The following SLC24A2 variants were observed in gnomAD, a reference collection of about 807,000 sequenced individuals.
The protein encoded by SLC24A2 is solute carrier family 24 member 2, also known as sodium/potassium/calcium exchanger 2.
In SLC24A2, 36 loss-of-function variants were observed where a neutral mutation model predicts 62.0. The ratio of observed to expected loss-of-function variants is 0.58; its 90% CI spans 0.44 to 0.77. The LOEUF (loss-of-function observed/expected upper bound fraction) is 0.77, where lower values mean the gene tolerates loss of function less well. Ranked by LOEUF, SLC24A2 falls within the 30% of genes least tolerant of loss-of-function variation. The pLI is 0.00. For missense variants in SLC24A2, 846 were observed against 817.9 expected, an observed-to-expected ratio of 1.03 and a Z score of -0.42; for synonymous variants, 358 against 294.0, an observed-to-expected ratio of 1.22 and a Z score of -2.23.
the SLC24A2 span, among the ~76,000 whole-genome samples, chr9:19,940,684 A>G: frequency 1.3e-5 from 2 of 152,188 alleles, no homozygotes; most frequent in South Asian, 4.1e-4. Flanking sequence ...TTGCTGACAA[A>G]GGGCCATTTG....
At chr9:20,063,893 G>A in the SLC24A2 span, among the ~76,000 whole-genome samples, 142 of 152,212 alleles carry the variant, frequency 9.3e-4, no homozygotes, top group South Asian at 4.6e-3. Flanking sequence ...ATGTAAAATG[G>A]TACATCCACT....
chr9:20,098,798 T>C, the SLC24A2 span, among the ~76,000 whole-genome samples: 4 of 152,224 alleles, frequency 2.6e-5, no homozygotes, highest in Non-Finnish European at 5.9e-5. Flanking sequence ...TAAATCCAAG[T>C]CAAGCTCCTT....
rs71496830 is a variant in SLC24A2, at chr9:19,731,516, CGTGT to C, written c.930+54417_930+54420del. Reference sequence around the variant, plus strand: ...ACTTGTTTCTCTCTCTCTCTCTCTCCGTGTGTGTGTGTGTGTGTGTGTGTGTGCA... The same window carrying C: ...ACTTGTTTCTCTCTCTCTCTCTCTCCGTGTGTGTGTGTGTGTGTGTGTGCA... On this transcript the variant is annotated intron_variant, in intron 2 of 10. Coordinates refer to ENST00000341998, the MANE Select transcript of SLC24A2 (RefSeq NM_020344.4). Among the ~76,000 whole-genome samples, 148 of 113,820 alleles carry C rather than the reference CGTGT, an allele frequency of 1.3e-3. 3 individuals carry two copies. Among genetic ancestry groups the C allele is most frequent in the African/African-American group, 3.1e-3 (118 of 38,266 alleles). 74.7% of individuals were successfully genotyped at this position (113,820 alleles called of 152,430 possible).
At chr9:19,935,031 T>C in the SLC24A2 span, among the ~76,000 whole-genome samples, 1 of 150,254 alleles carries the variant, frequency 6.7e-6, no homozygotes, top group Non-Finnish European at 1.5e-5. Context: ...CACTTATTTT[T>C]ATTTTATTTA....
At chr9:20,100,375 T>C in the SLC24A2 span, among the ~76,000 whole-genome samples, 19 of 152,192 alleles carry the variant, frequency 1.2e-4, no homozygotes, top group African/African-American at 4.6e-4. Flanking sequence ...ACTCACCTTT[T>C]AGTTCTCAGC....
chr9:20,165,543 G>C, the SLC24A2 span, among the ~76,000 whole-genome samples: 1 of 151,696 alleles, frequency 6.6e-6, no homozygotes, highest in Admixed American at 6.6e-5. Context: ...AATGACTGAG[G>C]CAAACAGAGA....
intron 2 of SLC24A2, among the ~76,000 whole-genome samples, chr9:19,653,241 G>C (rs1818849928): frequency 6.6e-6 from 1 of 152,232 alleles, no homozygotes; most frequent in Admixed American, 6.5e-5. Context: ...ATGGCCAGAA[G>C]TGTGTCCACA....
chr9:19,711,850 G>A lies in SLC24A2; in HGVS notation c.930+74087C>T, dbSNP rs2118599526. On this transcript the variant is annotated intron_variant, in intron 2 of 10. Coordinates refer to ENST00000341998, the MANE Select transcript of SLC24A2 (RefSeq NM_020344.4). Reference sequence around the variant, plus strand: ...GGCAAGTGGAAAATAACACAGTGAGGAGAAATGATACAAACTAGACTCAGA... The same window carrying A: ...GGCAAGTGGAAAATAACACAGTGAGAAGAAATGATACAAACTAGACTCAGA... Among the ~76,000 whole-genome samples, 2 of 152,306 alleles carry A rather than the reference G, an allele frequency of 1.3e-5. 1 individual carries two copies.
intron 4 of SLC24A2, among the ~76,000 whole-genome samples, chr9:19,608,918 G>A (rs1304496864): frequency 6.6e-6 from 1 of 152,174 alleles, no homozygotes; most frequent in African/African-American, 2.4e-5. Context: ...AAGGAACCAC[G>A]TTTTGGTTGG....
At chr9:19,563,368 A>G (rs945038910) in intron 7 of SLC24A2, among the ~76,000 whole-genome samples, 1 of 151,060 alleles carries the variant, frequency 6.6e-6, no homozygotes, top group Non-Finnish European at 1.5e-5. Flanking sequence ...AAAATGGTGG[A>G]CCTGACTGTT....
At position 19,549,875 on chromosome 9, in the gene SLC24A2, G is replaced by A. The variant is rs369203429; in HGVS notation, c.1479+262C>T. Among the ~76,000 whole-genome samples the A allele has an allele frequency of 9.8e-5, 15 of 152,334 alleles. 1 individual carries two copies. In the East Asian group the frequency reaches 1.4e-3, roughly 14 times the overall value. On this transcript the variant is annotated intron_variant, in intron 8 of 10. Coordinates refer to ENST00000341998, the MANE Select transcript of SLC24A2 (RefSeq NM_020344.4). ...ACTAAGTTTTGGGGTAGTTTGTTAT[G>A]CAGATTTGATAACCTGAACAATCAG...
At chr9:19,823,894 C>T in the SLC24A2 span, among the ~76,000 whole-genome samples, 18 of 152,236 alleles carry the variant, frequency 1.2e-4, no homozygotes, top group African/African-American at 4.1e-4. Flanking sequence ...TGATCTTTGA[C>T]AAATGTGACA....
the SLC24A2 span, among the ~76,000 whole-genome samples, chr9:20,091,188 C>G: frequency 2.1e-4 from 31 of 150,702 alleles, no homozygotes; most frequent in African/African-American, 7.5e-4. Flanking sequence ...AACAAAACCT[C>G]CGAGAAATAT....
chr9:19,710,010 G>T (rs1034082494), intron 2 of SLC24A2, among the ~76,000 whole-genome samples: 11 of 152,138 alleles, frequency 7.2e-5, no homozygotes, highest in African/African-American at 2.7e-4. Flanking sequence ...GGTTGTTTCA[G>T]AGGACTTTGG....
the SLC24A2 span, among the ~76,000 whole-genome samples, chr9:20,089,917 C>G: frequency 6.6e-6 from 1 of 152,066 alleles, no homozygotes; most frequent in African/African-American, 2.4e-5. Flanking sequence ...AGTGCAGCTA[C>G]CTCTCTCCAC....
chr9:19,646,342 C>G (rs1323407572), intron 2 of SLC24A2, among the ~76,000 whole-genome samples: 3 of 152,178 alleles, frequency 2.0e-5, no homozygotes, highest in East Asian at 1.9e-4. Context: ...TTTCCGTTCC[C>G]TGAAATTGCC....
At chr9:19,827,950 C>T in the SLC24A2 span, among the ~76,000 whole-genome samples, 1 of 152,178 alleles carries the variant, frequency 6.6e-6, no homozygotes, top group Non-Finnish European at 1.5e-5. Flanking sequence ...GAGTAATTCT[C>T]ACATGTGCAT....
At position 19,706,381 on chromosome 9, in the gene SLC24A2, T is replaced by C. The variant is rs1350914391; in HGVS notation, c.930+79556A>G. Among the ~76,000 whole-genome samples the C allele has an allele frequency of 1.0e-3, 91 of 88,036 alleles. 3 individuals are homozygous for C. The highest frequency in any genetic ancestry group is 1.4e-3 in the Non-Finnish European group (48 of 34,128). The allele number at this position is 88,036 out of a possible 152,430, so 57.8% of individuals were successfully genotyped here. A position where few individuals can be genotyped will look rare whatever the true frequency, so the allele number is the denominator to read the frequency against. ...CAGCACACTGATGGGTCTTGAATCT[T>C]TTTTTTTTTTTTTTTTGAGACGGAG... On this transcript the variant is annotated intron_variant, in intron 2 of 10. Coordinates refer to ENST00000341998, the MANE Select transcript of SLC24A2 (RefSeq NM_020344.4).
chr9:19,784,057 T>C (rs1823090240), intron 2 of SLC24A2, among the ~76,000 whole-genome samples: 1 of 152,170 alleles, frequency 6.6e-6, no homozygotes, highest in South Asian at 2.1e-4. Context: ...AAATTATGGA[T>C]GCAAATAACA....
Sources: allele counts gnomAD v4.1 joint callset (sites outside exome capture counted in the v4.1 genomes callset), GRCh38; gene constraint gnomAD v4.1.1; transcripts MANE v1.5; gene names NCBI Gene and HGNC (gene_info 2026-07-23, HGNC 2026-07-21).